Variants in CTSH observed in about 807,000 individuals in gnomAD.
CTSH encodes pro-cathepsin H.
A neutral mutation model predicts 56.3 loss-of-function variants in CTSH; 52 were observed. The observed-to-expected ratio is 0.92, with a 90% CI of 0.74 to 1.16. The LOEUF is 1.16. Among genes scored for constraint, CTSH ranks in the 50% most tolerant of loss-of-function variants. CTSH has a pLI of 0.00. For missense variants in CTSH, 406 were observed against 424.5 expected (o/e 0.96, Z 0.38); for synonymous variants, 174 against 155.7 (o/e 1.12, Z -0.88).
intron 8 of CTSH, 33 bp downstream of exon 8, chr15:78,929,379 C>G (rs2054995038): frequency 1.9e-6 from 3 of 1,557,368 alleles, no homozygotes; most frequent in African/African-American, 1.4e-5. Flanking sequence ...ATGCTGTACG[C>G]CAAGAAGACA....
In CTSH at chr15:78,927,786, T is replaced by G. The variant is rs1567353561; in HGVS notation, c.631-5A>C. On this transcript the variant is annotated splice_polypyrimidine_tract_variant and splice_region_variant and intron_variant, in intron 8 of 11. Transcript: ENST00000220166. ...TTGGAACTTGCAATAACCATCCTGT[T>G]GAGGATGCAAAGGGCATGAAATACA... The G allele has an allele frequency of 6.2e-7, 1 of 1,613,584 alleles. No homozygotes were observed. Among genetic ancestry groups the G allele is most frequent in the Non-Finnish European group, 8.5e-7 (1 of 1,179,506 alleles).
chr15:78,944,010 C>A lies in CTSH; in HGVS notation c.91+881G>T, dbSNP rs74930904. On this transcript the variant is annotated intron_variant, in intron 1 of 11. Transcript: ENST00000220166. ...AGATTCAGCCTCAGTGATCTCTGTC[C>A]CATCCCCTGAGCCTCTAGCTGGGGG... 1.1e-3 allele frequency among the ~76,000 whole-genome samples: 175 copies of A among 152,338 alleles called. 1 individual carries two copies. The highest frequency in any genetic ancestry group is 4.1e-3 in the African/African-American group (169 of 41,582).
chr15:78,939,977 A>G (rs11072815), intron 1 of CTSH, among the ~76,000 whole-genome samples: 76,872 of 151,822 alleles, frequency 0.51, 22,661 homozygotes, highest in Non-Finnish European at 0.68. Context: ...AGGCTTTGCC[A>G]TCTATATGGT....
chr15:78,937,132 T>C, intron 3 of CTSH, 186 bp downstream of exon 3: 1 of 591,940 alleles, frequency 1.7e-6, no homozygotes, highest in African/African-American at 1.9e-5. Context: ...GGTACCGGCT[T>C]TGTCCCAAAT....
intron 10 of CTSH, among the ~76,000 whole-genome samples, chr15:78,924,010 A>C (rs1428930157): frequency 6.7e-6 from 1 of 149,670 alleles, no homozygotes; most frequent in African/African-American, 2.5e-5. Flanking sequence ...CAGGTTGGCA[A>C]AGAGGCTGCT....
intron 11 of CTSH, 55 bp downstream of exon 11, chr15:78,922,938 C>A: frequency 6.4e-7 from 1 of 1,558,366 alleles, no homozygotes; most frequent in Non-Finnish European, 8.6e-7. Context: ...GCCCCCAGGG[C>A]CTCCAGGCCT....
rs988985650 is a variant in CTSH, at chr15:78,921,987, C to T, written c.*143G>A. On this transcript the variant is annotated 3_prime_UTR_variant, in exon 12 of 12. Transcript: ENST00000220166. ...GGAACTCCTCCTTGTCTGTAGGTTT[C>T]CAGGCTGGGCACAGAGGTGAGGGCA... 6 of 706,234 alleles carry T rather than the reference C, an allele frequency of 8.5e-6. No homozygotes were observed. The African/African-American group carries it at 1.1e-4, about 13-fold the overall frequency. The allele number at this position is 706,234 out of a possible 1,614,324, so 43.7% of individuals were successfully genotyped here.
Position 78,922,164 on chromosome 15 carries a change from G to T in CTSH, c.974C>A (p.Ala325Asp). The change falls in exon 12 of 12, where the codon GCT (alanine) becomes GAT (aspartate). Residue 325 changes from alanine (A) to aspartate (D), a missense_variant. Physicochemically the swap from Ala to Asp is moderately radical, Grantham distance 126 (BLOSUM62 -2). Transcript: ENST00000220166. ...IERGKNMCGL[A>D]ACASYPIPLV is the part of the protein sequence containing the mutation. Reference sequence around the variant, plus strand: ...AGGGATGGGGTAGGAGGCGCAGGCAGCCAGGCCACACATGTTCTTTCCGCG... The same window carrying T: ...AGGGATGGGGTAGGAGGCGCAGGCATCCAGGCCACACATGTTCTTTCCGCG... The T allele has an allele frequency of 6.3e-7, 1 of 1,582,382 alleles. No homozygotes were observed. The highest frequency in any genetic ancestry group is 8.6e-7 in the Non-Finnish European group (1 of 1,165,066).
At chr15:78,926,472 G>C (rs746172555) in intron 9 of CTSH, 1 of 152,330 alleles carries the variant, frequency 6.6e-6, no homozygotes, top group Non-Finnish European at 1.5e-5. Flanking sequence ...CTGAATGCTA[G>C]TTCTGGCCTG....
chr15:78,944,940 G>A lies in CTSH; in HGVS notation c.42C>T (p.Leu14=), dbSNP rs893210154. ...TLPLLCAGAW[L]LGVPVCGAAE... Reference sequence around the variant, plus strand: ...CGGCACCGCAGACGGGGACTCCCAGGAGCCAGGCCCCGGCGCAGAGCAGCG... The same window carrying A: ...CGGCACCGCAGACGGGGACTCCCAGAAGCCAGGCCCCGGCGCAGAGCAGCG... Residue 14 remains leucine (L), a synonymous_variant, in exon 1 of 12, where the codon CTC becomes CTT. Transcript: ENST00000220166. The A allele has an allele frequency of 6.5e-7, 1 of 1,548,454 alleles. No homozygotes were observed. The highest frequency in any genetic ancestry group is 2.0e-5 in the Admixed American group (1 of 50,902).
Position 78,944,960 on chromosome 15 carries a change from G to T in CTSH, c.22C>A (p.Leu8Ile), listed in dbSNP as rs1470181947. 6.5e-7 allele frequency: 1 copy of T among 1,545,778 alleles called. No homozygotes were observed. Among genetic ancestry groups the T allele is most frequent in the South Asian group, 1.2e-5 (1 of 83,598 alleles). Residue 8 changes from leucine to isoleucine, a missense_variant, in exon 1 of 12, where the codon CTC becomes ATC. Physicochemically the swap from Leu to Ile is conservative, Grantham distance 5. Transcript: ENST00000220166. ...CCCAGGAGCCAGGCCCCGGCGCAGAGCAGCGGCAGCGTGGCCCACATCGCA... is the reference window on the plus strand; with the variant it reads ...CCCAGGAGCCAGGCCCCGGCGCAGATCAGCGGCAGCGTGGCCCACATCGCA... MWATLPL[L>I]CAGAWLLGVP...
intron 5 of CTSH, among the ~76,000 whole-genome samples, chr15:78,932,981 C>T (rs1448413104): frequency 6.6e-6 from 1 of 152,220 alleles, no homozygotes; most frequent in Non-Finnish European, 1.5e-5. Context: ...TAACAGCTCC[C>T]CAAACCCTAG....
Position 78,942,482 on chromosome 15 carries a change from G to C in CTSH, c.91+2409C>G, listed in dbSNP as rs77784974. On this transcript the variant is annotated intron_variant, in intron 1 of 11. Transcript: ENST00000220166. Reference sequence around the variant, plus strand: ...CCCACCTTGGCCTACCAAAGTGCTGGGATCACAGGCGTGAGCCCCCACGCC... The same window carrying C: ...CCCACCTTGGCCTACCAAAGTGCTGCGATCACAGGCGTGAGCCCCCACGCC... 0.027 allele frequency among the ~76,000 whole-genome samples: 4,037 copies of C among 152,196 alleles called. 471 individuals are homozygous for C. In the East Asian group the frequency reaches 0.36, roughly 14 times the overall value.
chr15:78,929,504 T>A lies in CTSH; in HGVS notation c.549-11A>T, dbSNP rs746117560. ...TGGCTGGGGAGACCCCTGCAAGAAG[T>A]ACACACAGGTGAGCCCACCTGGGGC... On this transcript the variant is annotated splice_polypyrimidine_tract_variant and intron_variant, in intron 7 of 11. Coordinates refer to ENST00000220166, the MANE Select transcript of CTSH (RefSeq NM_004390.5). The A allele has an allele frequency of 8.1e-6, 13 of 1,603,110 alleles. No individual in the cohort carries two copies. Among genetic ancestry groups the A allele is most frequent in the Non-Finnish European group, 1.1e-5 (13 of 1,173,386 alleles).
intron 1 of CTSH, among the ~76,000 whole-genome samples, chr15:78,940,182 C>G (rs2141554647): frequency 9.4e-6 from 1 of 106,332 alleles, no homozygotes; most frequent in African/African-American, 2.5e-5. Context: ...GCAGGCCAGC[C>G]ATTTGTTTTT....
At chr15:78,935,854 G>T in intron 3 of CTSH, 104 bp from the exon 4 acceptor site, 2 of 762,464 alleles carry the variant, frequency 2.6e-6, no homozygotes, top group Non-Finnish European at 4.4e-6. Context: ...GTCGTATTTA[G>T]AACCACTGCA....
intron 3 of CTSH, among the ~76,000 whole-genome samples, chr15:78,936,383 T>C (rs2055177346): frequency 6.6e-6 from 1 of 151,324 alleles, no homozygotes; most frequent in African/African-American, 2.4e-5. Flanking sequence ...GGTTTTGCCA[T>C]GTTGGCCAGG....
Position 78,939,181 on chromosome 15 carries a change from GAAA to G in CTSH, c.92-13_92-11del. 1.4e-6 allele frequency: 2 copies of G among 1,395,426 alleles called. No homozygotes were observed. Among genetic ancestry groups the G allele is most frequent in the Non-Finnish European group, 2.0e-6 (2 of 1,007,096 alleles). 86.4% of individuals were successfully genotyped at this position (1,395,426 alleles called of 1,614,324 possible). A position where few individuals can be genotyped will look rare whatever the true frequency, so the allele number is the denominator to read the frequency against. ...TTGAAGTGAAACTTCTCTGTAAAAA[GAAA>G]AAAAAAATTAGGTCTGGGCGCATCA... On this transcript the variant is annotated splice_polypyrimidine_tract_variant and intron_variant, in intron 1 of 11. Coordinates refer to ENST00000220166, the MANE Select transcript of CTSH (RefSeq NM_004390.5).
intron 10 of CTSH, 68 bp from the exon 11 acceptor site, chr15:78,923,186 C>T: frequency 1.3e-6 from 2 of 1,581,300 alleles, no homozygotes; most frequent in South Asian, 1.1e-5. Context: ...TCCCATCCAA[C>T]AACGCCTCTT....
Sources: gnomAD v4.1 joint callset for allele counts (sites outside exome capture counted in the v4.1 genomes callset) on GRCh38, gnomAD v4.1.1 for gene constraint, MANE v1.5 for transcripts, NCBI Gene and HGNC (gene_info 2026-07-23, HGNC 2026-07-21) for gene names.